C5orf15: variants seen among roughly 807,000 people sequenced by gnomAD.
C5orf15 encodes the protein chromosome 5 open reading frame 15.
C5orf15 carries 10 observed loss-of-function variants against 17.8 expected under a neutral mutation model. That is an observed-to-expected ratio of 0.56 (90% CI 0.35 to 0.95). The LOEUF (loss-of-function observed/expected upper bound fraction) is 0.95, where lower values mean the gene tolerates loss of function less well. C5orf15 is among the 40% of genes least tolerant of loss of function. C5orf15 has a pLI of 0.02. For synonymous variants in C5orf15, 124 were observed against 131.0 expected (o/e 0.95, Z 0.36); for missense variants, 319 against 331.7 (o/e 0.96, Z 0.30).
At chr5:133,967,195 C>T (rs992316304) in intron 1 of C5orf15, among the ~76,000 whole-genome samples, 1 of 152,216 alleles carries the variant, frequency 6.6e-6, no homozygotes, top group African/African-American at 2.4e-5. Context: ...CCAGGGAAAT[C>T]CTCATTACAT....
At chr5:133,966,233 T>C (rs1752190594) in intron 1 of C5orf15, among the ~76,000 whole-genome samples, 1 of 151,994 alleles carries the variant, frequency 6.6e-6, no homozygotes, top group Non-Finnish European at 1.5e-5. Context: ...AACAAAACTT[T>C]ATAAATTTAA....
Position 133,959,688 on chromosome 5 carries a change from C to T in C5orf15, c.472G>A (p.Gly158Ser). ...YGEPDYDWTTGPRDDDESDDT... is the reference protein window; with the variant it reads ...YGEPDYDWTTSPRDDDESDDT... Reference sequence around the variant, plus strand: ...TCAGACTCGTCGTCGTCCCTGGGGCCCGTGGTCCAGTCATAGTCTGGTTCT... The same window carrying T: ...TCAGACTCGTCGTCGTCCCTGGGGCTCGTGGTCCAGTCATAGTCTGGTTCT... Residue 158 changes from glycine to serine, a missense_variant, in exon 2 of 3, where the codon GGC becomes AGC. Physicochemically the swap from Gly to Ser is moderately conservative, Grantham distance 56. Around this residue, in one of 3 missense-constraint regions of C5orf15, gnomAD observed 175 missense variants for 192.4 expected, o/e 0.91. Coordinates refer to ENST00000231512, the MANE Select transcript of C5orf15 (RefSeq NM_020199.3). 6.2e-7 allele frequency: 1 copy of T among 1,613,426 alleles called. No homozygotes were observed. Among genetic ancestry groups the T allele is most frequent in the Non-Finnish European group, 8.5e-7 (1 of 1,179,738 alleles).
At chr5:133,961,232 TAAAAAAAAAAAAAAA>T (rs56684565) in intron 1 of C5orf15, among the ~76,000 whole-genome samples, 12 of 30,440 alleles carry the variant, frequency 3.9e-4, no homozygotes, top group Non-Finnish European at 5.7e-4. Context: ...AGTCAGTTAG[TAAAAAAAAAAAAAAA>T]AAAAAAAAAA....
At chr5:133,961,889 CT>C (rs1341682931) in intron 1 of C5orf15, among the ~76,000 whole-genome samples, 1 of 151,868 alleles carries the variant, frequency 6.6e-6, no homozygotes, top group African/African-American at 2.4e-5. Flanking sequence ...CAGTAAAACT[CT>C]TAAAACATTT....
intron 1 of C5orf15, among the ~76,000 whole-genome samples, chr5:133,961,762 G>T (rs1366195500): frequency 6.6e-6 from 1 of 150,530 alleles, no homozygotes; most frequent in African/African-American, 2.4e-5. Context: ...TTTGTCCAAT[G>T]CCATATGCAA....
At chr5:133,957,193 C>G (rs1405004742) in intron 2 of C5orf15, among the ~76,000 whole-genome samples, 1 of 151,658 alleles carries the variant, frequency 6.6e-6, no homozygotes, top group Non-Finnish European at 1.5e-5. Context: ...GGTGAAACAC[C>G]ATCTCTACAA....
At chr5:133,963,236 A>G (rs1002449803) in intron 1 of C5orf15, among the ~76,000 whole-genome samples, 1 of 152,186 alleles carries the variant, frequency 6.6e-6, no homozygotes, top group African/African-American at 2.4e-5. Context: ...CAAACTTCAA[A>G]TGTCTTCTCT....
At chr5:133,961,226 A>G (rs1373334039) in intron 1 of C5orf15, among the ~76,000 whole-genome samples, 1 of 118,322 alleles carries the variant, frequency 8.5e-6, no homozygotes, top group African/African-American at 3.2e-5. Flanking sequence ...TAATGTAGTC[A>G]GTTAGTAAAA....
rs1466165929 is a variant in C5orf15, at chr5:133,956,983, A to C, written c.674T>G (p.Leu225Arg). The C allele has an allele frequency of 6.2e-7, 1 of 1,608,516 alleles. No individual in the cohort carries two copies. The change falls in exon 3 of 3, where the codon CTT becomes CGT. Residue 225 changes from leucine to arginine, a missense_variant. Physicochemically the swap from Leu to Arg is moderately radical, Grantham distance 102. Transcript: ENST00000231512. ...ACGCCATTTCCTGCTTTGAACCAGA[A>C]GAAAAATCTGGAAAACAGAAGTCAT... Reference protein sequence around the residue: ...ITYHNKRKIFLLVQSRKWRDG... With the variant: ...ITYHNKRKIFRLVQSRKWRDG...
intron 1 of C5orf15, among the ~76,000 whole-genome samples, chr5:133,961,232 T>TAAAAAAAAAA (rs56684565): frequency 9.9e-5 from 3 of 30,438 alleles, no homozygotes; most frequent in Admixed American, 4.9e-4. Flanking sequence ...AGTCAGTTAG[T>TAAAAAAAAAA]AAAAAAAAAA....
At chr5:133,966,844 AT>A (rs1752199900) in intron 1 of C5orf15, among the ~76,000 whole-genome samples, 1 of 152,252 alleles carries the variant, frequency 6.6e-6, no homozygotes, top group Non-Finnish European at 1.5e-5. Context: ...AATAATCTGA[AT>A]TTATGACATT....
Position 133,959,736 on chromosome 5 carries a change from T to C in C5orf15, c.424A>G (p.Thr142Ala). 1.2e-6 allele frequency: 2 copies of C among 1,613,860 alleles called. No individual in the cohort carries two copies. The highest frequency in any genetic ancestry group is 1.7e-6 in the Non-Finnish European group (2 of 1,179,946). Residue 142 changes from threonine (T) to alanine (A), a missense_variant, in exon 2 of 3, where the codon ACT (threonine) becomes GCT (alanine). Thr to Ala is a moderately conservative substitution (Grantham distance 58). Transcript: ENST00000231512. ...TCTCCATAATCGCCATTGTCTAGAG[T>C]GTCTTTGGCTGTGGATGGAGAACTG... ...LNSSPSTAKD[T>A]LDNGDYGEPD...
intron 1 of C5orf15, 30 bp downstream of exon 1, chr5:133,968,416 T>C: frequency 6.3e-7 from 1 of 1,596,966 alleles, no homozygotes; most frequent in Non-Finnish European, 8.5e-7. Context: ...CTCCTAGCCT[T>C]CCTAAGCCCA....
At chr5:133,964,196 T>G (rs1267881135) in intron 1 of C5orf15, among the ~76,000 whole-genome samples, 1 of 151,892 alleles carries the variant, frequency 6.6e-6, no homozygotes, top group Non-Finnish European at 1.5e-5. Flanking sequence ...CAGCCTGGAG[T>G]GCAAGACTTA....
intron 2 of C5orf15, among the ~76,000 whole-genome samples, chr5:133,958,154 T>TG (rs1229502353): frequency 6.6e-6 from 1 of 151,904 alleles, no homozygotes; most frequent in East Asian, 1.9e-4. Context: ...GAGGCTGAAG[T>TG]GGGAGGATTA....
At chr5:133,959,212 T>C (rs1752082281) in intron 2 of C5orf15, among the ~76,000 whole-genome samples, 1 of 151,890 alleles carries the variant, frequency 6.6e-6, no homozygotes, top group Non-Finnish European at 1.5e-5. Context: ...CAAACAATAA[T>C]TTTTAAAATT....
intron 1 of C5orf15, 100 bp downstream of exon 1, chr5:133,968,346 C>T (rs1420027311): frequency 1.3e-6 from 2 of 1,484,050 alleles, no homozygotes; most frequent in African/African-American, 2.8e-5. Context: ...GCCGTCTGCT[C>T]CTGACACTTG....
At chr5:133,965,344 A>G (rs1752177357) in intron 1 of C5orf15, among the ~76,000 whole-genome samples, 1 of 152,212 alleles carries the variant, frequency 6.6e-6, no homozygotes, top group Non-Finnish European at 1.5e-5. Context: ...ACCAAGTAGG[A>G]GCAGAATGTC....
At chr5:133,966,488 C>T (rs1752194492) in intron 1 of C5orf15, among the ~76,000 whole-genome samples, 1 of 152,250 alleles carries the variant, frequency 6.6e-6, no homozygotes, top group African/African-American at 2.4e-5. Context: ...ACCCAGTGAT[C>T]CAAACTGCTT....
Sources: allele counts gnomAD v4.1 joint callset (sites outside exome capture counted in the v4.1 genomes callset), GRCh38; gene constraint gnomAD v4.1.1; regional missense constraint gnomAD v4.1.1; transcripts MANE v1.5; gene names NCBI Gene and HGNC (gene_info 2026-07-23, HGNC 2026-07-21).